AGBL1: variants seen among roughly 807,000 people sequenced by gnomAD.
AGBL1 encodes the protein cytosolic carboxypeptidase 4.
A neutral mutation model predicts 118.9 loss-of-function variants in AGBL1; 130 were observed. The ratio of observed to expected loss-of-function variants is 1.09; its 90% CI spans 0.95 to 1.26. The LOEUF (loss-of-function observed/expected upper bound fraction) is 1.26, where lower values mean the gene tolerates loss of function less well. Ranked by LOEUF, AGBL1 falls within the 50% of genes most tolerant of loss-of-function variation. The pLI is 0.00. For missense variants in AGBL1, 1,584 were observed against 1,298.1 expected (o/e 1.22, Z -3.38); for synonymous variants, 555 against 478.9 (o/e 1.16, Z -2.08).
chr15:86,908,898 A>G lies in AGBL1; in HGVS notation c.*1604A>G, dbSNP rs901042637. On this transcript the variant is annotated 3_prime_UTR_variant, in exon 23 of 23. Coordinates refer to ENST00000614907, the MANE Select transcript of AGBL1 (RefSeq NM_001386094.1). ...AGTAGCTTTCATAAGGCATAAGTCT[A>G]TTTCTCTTTCCTGTGGAATTTTACA... 1.3e-5 allele frequency: 2 copies of G among 152,130 alleles called. No homozygotes were observed. The highest frequency in any genetic ancestry group is 4.8e-5 in the African/African-American group (2 of 41,432). The allele number at this position is 152,130 out of a possible 1,614,324, so 9.4% of individuals were successfully genotyped here. A position where few individuals can be genotyped will look rare whatever the true frequency, so the allele number is the denominator to read the frequency against.
intron 3 of AGBL1, among the ~76,000 whole-genome samples, chr15:86,150,096 T>C (rs1413050277): frequency 1.3e-5 from 2 of 152,068 alleles, no homozygotes; most frequent in Non-Finnish European, 2.9e-5. Flanking sequence ...AAAGACACAA[T>C]GTACCAGAAT....
intron 18 of AGBL1, among the ~76,000 whole-genome samples, chr15:86,466,050 T>C (rs1032684101): frequency 5.3e-5 from 8 of 152,212 alleles, no homozygotes; most frequent in South Asian, 2.1e-4. Context: ...AATTTCTTTC[T>C]TTTGTATTCT....
chr15:86,080,271 G>A (rs1895177158), intron 1 of AGBL1: 1 of 351,798 alleles, frequency 2.8e-6, no homozygotes, highest in African/African-American at 2.1e-5. Flanking sequence ...GAGGCTCTGG[G>A]TAAAAGATCC....
At chr15:86,310,045 C>A (rs2079896390) in intron 17 of AGBL1, among the ~76,000 whole-genome samples, 1 of 152,106 alleles carries the variant, frequency 6.6e-6, no homozygotes, top group Admixed American at 6.5e-5. Flanking sequence ...ACCAGCGAAG[C>A]CATCAGATCC....
chr15:86,201,316 G>T (rs1443730031), intron 5 of AGBL1, among the ~76,000 whole-genome samples: 4 of 152,166 alleles, frequency 2.6e-5, no homozygotes, highest in African/African-American at 9.7e-5. Context: ...AGAAGAAAAA[G>T]AAGTTTCTTG....
At chr15:86,384,676 G>A (rs1026713065) in intron 17 of AGBL1, among the ~76,000 whole-genome samples, 3 of 152,046 alleles carry the variant, frequency 2.0e-5, no homozygotes, top group African/African-American at 7.2e-5. Flanking sequence ...TCTCAGCCTC[G>A]ATTACACCAC....
At chr15:86,758,009 T>G (rs2077966669) in intron 22 of AGBL1, among the ~76,000 whole-genome samples, 1 of 152,138 alleles carries the variant, frequency 6.6e-6, no homozygotes, top group Non-Finnish European at 1.5e-5. Context: ...GGAGGGGATC[T>G]CAAGACAATC....
chr15:86,707,022 A>G (rs2086462319), intron 22 of AGBL1, among the ~76,000 whole-genome samples: 1 of 152,202 alleles, frequency 6.6e-6, no homozygotes, highest in Non-Finnish European at 1.5e-5. Flanking sequence ...ATGATGATGC[A>G]ACATGAATCA....
chr15:86,930,126 G>T (rs549875130), intron 23 of AGBL1, among the ~76,000 whole-genome samples: 1 of 151,956 alleles, frequency 6.6e-6, no homozygotes, highest in Non-Finnish European at 1.5e-5. Flanking sequence ...GAATATTATC[G>T]TCAATGGCTC....
chr15:86,810,372 C>T (rs1029082413), intron 22 of AGBL1, among the ~76,000 whole-genome samples: 1 of 152,124 alleles, frequency 6.6e-6, no homozygotes, highest in Non-Finnish European at 1.5e-5. Context: ...GAGAATGACC[C>T]TTTCACCTTC....
intron 17 of AGBL1, among the ~76,000 whole-genome samples, chr15:86,359,764 T>G (rs985050434): frequency 6.6e-6 from 1 of 151,912 alleles, no homozygotes; most frequent in African/African-American, 2.4e-5. Flanking sequence ...AGCATACAAG[T>G]CTTTTAAGTC....
intron 22 of AGBL1, among the ~76,000 whole-genome samples, chr15:86,754,243 T>G (rs1170926489): frequency 6.6e-6 from 1 of 152,138 alleles, no homozygotes; most frequent in African/African-American, 2.4e-5. Context: ...TGTGGAAGCA[T>G]AGCCTTAATT....
intron 22 of AGBL1, among the ~76,000 whole-genome samples, chr15:86,867,342 T>C (rs906546928): frequency 1.1e-4 from 16 of 152,176 alleles, no homozygotes; most frequent in Non-Finnish European, 2.4e-4. Flanking sequence ...GTTGACATTA[T>C]GCTAACTTTA....
At chr15:86,183,208 G>C (rs762394939) in intron 5 of AGBL1, among the ~76,000 whole-genome samples, 1 of 152,100 alleles carries the variant, frequency 6.6e-6, no homozygotes, top group Non-Finnish European at 1.5e-5. Context: ...TTCCATTCCT[G>C]TTTCTCAGAA....
At chr15:86,667,181 A>T (rs1039674258) in intron 21 of AGBL1, among the ~76,000 whole-genome samples, 17 of 151,808 alleles carry the variant, frequency 1.1e-4, no homozygotes, top group African/African-American at 3.4e-4. Flanking sequence ...CTGAACATAA[A>T]TTTTTTTAAA....
chr15:86,375,046 C>G (rs1187077317), intron 17 of AGBL1, among the ~76,000 whole-genome samples: 1 of 152,206 alleles, frequency 6.6e-6, no homozygotes, highest in Non-Finnish European at 1.5e-5. Flanking sequence ...ATCTGTCACA[C>G]TCCTTCTCTA....
At chr15:86,285,294 C>T (rs527678040) in intron 16 of AGBL1, among the ~76,000 whole-genome samples, 1 of 152,116 alleles carries the variant, frequency 6.6e-6, no homozygotes, top group East Asian at 1.9e-4. Flanking sequence ...TTGAGGGGTG[C>T]AGGGAGATGG....
At chr15:87,012,416 A>T (rs2081570692) in intron 24 of AGBL1, among the ~76,000 whole-genome samples, 3 of 152,180 alleles carry the variant, frequency 2.0e-5, no homozygotes, top group Admixed American at 2.0e-4. Flanking sequence ...ATTTAACCTC[A>T]ATTACTGAAT....
At chr15:86,683,316 A>G (rs896558194) in intron 22 of AGBL1, among the ~76,000 whole-genome samples, 1 of 152,194 alleles carries the variant, frequency 6.6e-6, no homozygotes, top group East Asian at 1.9e-4. Context: ...TTTTAATACT[A>G]TTCAGGGAAG....
Sources: allele counts gnomAD v4.1 joint callset (sites outside exome capture counted in the v4.1 genomes callset), GRCh38; gene constraint gnomAD v4.1.1; transcripts MANE v1.5; gene names NCBI Gene and HGNC (gene_info 2026-07-23, HGNC 2026-07-21).